Variants in CDH18 observed in about 807,000 individuals in gnomAD.
CDH18 encodes cadherin-18.
In CDH18, 31 loss-of-function variants were observed where a neutral mutation model predicts 67.9. The observed-to-expected ratio is 0.46, with a 90% CI of 0.34 to 0.62. The LOEUF (loss-of-function observed/expected upper bound fraction) is 0.62, where lower values mean the gene tolerates loss of function less well. Ranked by LOEUF, CDH18 falls within the 20% of genes least tolerant of loss-of-function variation. The probability of loss-of-function intolerance (pLI) is 0.01; values close to 1 mark genes in which losing one functional copy is unlikely to be tolerated. For missense variants in CDH18, 890 were observed against 975.5 expected, an observed-to-expected ratio of 0.91 and a Z score of 1.17; for synonymous variants, 362 against 347.2, an observed-to-expected ratio of 1.04 and a Z score of -0.48.
At chr5:19,898,265 T>C (rs1789559507) in intron 2 of CDH18, among the ~76,000 whole-genome samples, 1 of 152,180 alleles carries the variant, frequency 6.6e-6, no homozygotes, top group East Asian at 1.9e-4. Context: ...GAACAGCTTT[T>C]CAGTATTTAT....
At chr5:20,117,960 G>A (rs1398380102) in intron 2 of CDH18, among the ~76,000 whole-genome samples, 1 of 152,142 alleles carries the variant, frequency 6.6e-6, no homozygotes, top group African/African-American at 2.4e-5. Flanking sequence ...CTCCTCTGAT[G>A]TCTATCATAA....
intron 1 of CDH18, among the ~76,000 whole-genome samples, chr5:20,481,505 A>G (rs1752809212): frequency 6.6e-6 from 1 of 152,196 alleles, no homozygotes; most frequent in African/African-American, 2.4e-5. Flanking sequence ...CGACAGCAAC[A>G]GAATACACAT....
At chr5:20,540,117 T>C (rs1756970855) in intron 1 of CDH18, among the ~76,000 whole-genome samples, 1 of 152,180 alleles carries the variant, frequency 6.6e-6, no homozygotes, top group South Asian at 2.1e-4. Flanking sequence ...GACTATATTA[T>C]GTGGTGGACT....
chr5:19,651,481 T>C (rs1464239546), intron 5 of CDH18, among the ~76,000 whole-genome samples: 3 of 152,064 alleles, frequency 2.0e-5, no homozygotes, highest in Non-Finnish European at 2.9e-5. Context: ...GAGGTCAGCA[T>C]ACCCTATCAG....
At chr5:20,215,457 TAAA>T (rs1329965438) in intron 2 of CDH18, among the ~76,000 whole-genome samples, 1 of 120,898 alleles carries the variant, frequency 8.3e-6, no homozygotes, top group Non-Finnish European at 1.7e-5. Flanking sequence ...AATAAATAAA[TAAA>T]TAAATAAATA....
chr5:20,158,823 G>T, intron 2 of CDH18: 1 of 192,800 alleles, frequency 5.2e-6, no homozygotes. Flanking sequence ...CCTAAATCAA[G>T]TCCCATGCCA....
intron 11 of CDH18, among the ~76,000 whole-genome samples, chr5:19,494,226 C>A (rs559187978): frequency 1.3e-5 from 2 of 152,080 alleles, no homozygotes; most frequent in East Asian, 3.9e-4. Flanking sequence ...GTTTTTCCAT[C>A]GATTTATTTA....
chr5:19,857,019 T>C (rs1468466612), intron 2 of CDH18, among the ~76,000 whole-genome samples: 2 of 152,004 alleles, frequency 1.3e-5, no homozygotes, highest in Non-Finnish European at 2.9e-5. Flanking sequence ...GGCCAGGAGT[T>C]TGAGACAAGC....
chr5:19,592,460 C>T (rs1256000216), intron 6 of CDH18, among the ~76,000 whole-genome samples: 3 of 151,956 alleles, frequency 2.0e-5, no homozygotes, highest in African/African-American at 7.2e-5. Context: ...GCCCAGGAAT[C>T]TTGAATTAAA....
intron 6 of CDH18, among the ~76,000 whole-genome samples, chr5:19,609,911 T>G (rs1748670608): frequency 6.6e-6 from 1 of 152,088 alleles, no homozygotes. Flanking sequence ...GTCCTTATAT[T>G]ATTTCTTTTC....
chr5:20,038,158 C>T (rs1231671653), intron 2 of CDH18, among the ~76,000 whole-genome samples: 3 of 151,928 alleles, frequency 2.0e-5, no homozygotes, highest in Admixed American at 2.0e-4. Context: ...AGGAAGTAGT[C>T]AAATCCTTGA....
intron 1 of CDH18, among the ~76,000 whole-genome samples, chr5:20,442,153 G>A (rs1749655515): frequency 6.6e-6 from 1 of 151,840 alleles, no homozygotes; most frequent in Non-Finnish European, 1.5e-5. Context: ...GTAAAAGAAT[G>A]AATGCAGTAC....
chr5:19,828,672 T>C (rs553898356), intron 3 of CDH18, among the ~76,000 whole-genome samples: 132 of 152,332 alleles, frequency 8.7e-4, no homozygotes, highest in African/African-American at 3.1e-3. Context: ...AAAAGGTTTC[T>C]GGTAAAATAC....
At chr5:20,453,097 G>C (rs1369584821) in intron 1 of CDH18, among the ~76,000 whole-genome samples, 1 of 152,124 alleles carries the variant, frequency 6.6e-6, no homozygotes, top group South Asian at 2.1e-4. Context: ...GCAAGTCTGT[G>C]TCATTAGCAC....
chr5:19,982,632 G>C (rs1426114255), intron 1 of CDH18, among the ~76,000 whole-genome samples: 1 of 151,962 alleles, frequency 6.6e-6, no homozygotes, highest in East Asian at 1.9e-4. Flanking sequence ...TCTCACAATG[G>C]GTTGCAAATT....
intron 5 of CDH18, among the ~76,000 whole-genome samples, chr5:19,673,431 C>G (rs1036073825): frequency 1.3e-5 from 2 of 151,898 alleles, no homozygotes; most frequent in Non-Finnish European, 2.9e-5. Context: ...CAGACTTTAT[C>G]TGATTTTAAG....
At chr5:19,765,844 T>C (rs1373820045) in intron 3 of CDH18, among the ~76,000 whole-genome samples, 1 of 151,310 alleles carries the variant, frequency 6.6e-6, no homozygotes, top group Non-Finnish European at 1.5e-5. Context: ...CTTTTCACAG[T>C]TAAGTTCATT....
At chr5:19,655,832 A>T (rs529737697) in intron 5 of CDH18, among the ~76,000 whole-genome samples, 1 of 152,264 alleles carries the variant, frequency 6.6e-6, no homozygotes, top group South Asian at 2.1e-4. Flanking sequence ...TGTCATCCTT[A>T]GAAAGCACTC....
chr5:19,905,434 T>A (rs1160682044), intron 2 of CDH18, among the ~76,000 whole-genome samples: 1 of 150,962 alleles, frequency 6.6e-6, no homozygotes, highest in East Asian at 2.0e-4. Context: ...ATTTAAAATA[T>A]TGGAAGATAA....
Sources: allele counts gnomAD v4.1 joint callset (sites outside exome capture counted in the v4.1 genomes callset), GRCh38; gene constraint gnomAD v4.1.1; transcripts MANE v1.5; gene names NCBI Gene and HGNC (gene_info 2026-07-23, HGNC 2026-07-21).